HERC4: variants seen among roughly 807,000 people sequenced by gnomAD.
HERC4 encodes probable E3 ubiquitin-protein ligase HERC4.
HERC4 carries 28 observed loss-of-function variants against 124.3 expected under a neutral mutation model. The ratio of observed to expected loss-of-function variants is 0.23; its 90% CI spans 0.17 to 0.31. The LOEUF is 0.31. Ranked by LOEUF, HERC4 falls within the 10% of genes least tolerant of loss-of-function variation. The pLI is 1.00. For synonymous variants in HERC4, 407 were observed against 421.5 expected (o/e 0.97, Z 0.42); for missense variants, 713 against 1,229.3 (o/e 0.58, Z 6.28).
chr10:68,022,045 A>G (rs2038656150), intron 8 of HERC4, among the ~76,000 whole-genome samples: 1 of 152,236 alleles, frequency 6.6e-6, no homozygotes, highest in Non-Finnish European at 1.5e-5. Flanking sequence ...AAAACCTATC[A>G]TAAAGAATAA....
intron 23 of HERC4, among the ~76,000 whole-genome samples, chr10:67,931,459 G>T (rs1245405056): frequency 6.6e-6 from 1 of 151,944 alleles, no homozygotes; most frequent in Non-Finnish European, 1.5e-5. Flanking sequence ...GCTTTGGCTA[G>T]GGCTTTTTTT....
At chr10:67,962,666 A>G (rs938814403) in intron 16 of HERC4, among the ~76,000 whole-genome samples, 1 of 152,234 alleles carries the variant, frequency 6.6e-6, no homozygotes, top group Non-Finnish European at 1.5e-5. Context: ...GGAAGAAAAA[A>G]TAGCAAAGAG....
intron 7 of HERC4, among the ~76,000 whole-genome samples, chr10:68,028,448 C>T (rs879612920): frequency 2.6e-5 from 4 of 152,070 alleles, no homozygotes; most frequent in African/African-American, 4.8e-5. Context: ...CTGAGAGCAC[C>T]GTAGTAATCT....
chr10:68,039,331 AAAAG>A (rs2039644363), intron 4 of HERC4: 18 of 1,454,930 alleles, frequency 1.2e-5, no homozygotes, highest in South Asian at 5.7e-5. Flanking sequence ...AAAAAAAAAA[AAAAG>A]AAAGAAAGAA....
chr10:67,980,389 T>A (rs2035859127), intron 15 of HERC4, among the ~76,000 whole-genome samples: 1 of 152,106 alleles, frequency 6.6e-6, no homozygotes, highest in Admixed American at 6.6e-5. Context: ...CGCGTCAGTC[T>A]CCCAAAGTGC....
At chr10:67,954,397 T>C in intron 19 of HERC4, 198 bp downstream of exon 19, 1 of 390,610 alleles carries the variant, frequency 2.6e-6, no homozygotes, top group Middle Eastern at 6.6e-4. Context: ...ATTTTGTTAA[T>C]TTAAAATGTG....
chr10:68,038,945 T>C (rs747918556), intron 4 of HERC4, among the ~76,000 whole-genome samples: 1 of 152,036 alleles, frequency 6.6e-6, no homozygotes, highest in Non-Finnish European at 1.5e-5. Context: ...GCATCTCCAT[T>C]GGTTCTTTCC....
chr10:68,059,541 T>TAC (rs1564607412), intron 3 of HERC4, among the ~76,000 whole-genome samples: 59 of 103,406 alleles, frequency 5.7e-4, no homozygotes, highest in Non-Finnish European at 8.1e-4. Flanking sequence ...ATATATCATA[T>TAC]TATATATCAT....
chr10:68,059,630 C>CATATTATATATTATATTATATATCATA (rs1564608110), intron 3 of HERC4, among the ~76,000 whole-genome samples: 3 of 72,388 alleles, frequency 4.1e-5, no homozygotes, highest in African/African-American at 2.5e-4. Context: ...TATTATATAT[C>CATATTATATATTATATTATATATCATA]ATAATATTAT....
chr10:67,933,276 T>G (rs1353361571), intron 22 of HERC4, among the ~76,000 whole-genome samples: 1 of 152,166 alleles, frequency 6.6e-6, no homozygotes, highest in Admixed American at 6.5e-5. Flanking sequence ...GAGAGGGTAC[T>G]AAGCATTCTT....
chr10:67,977,997 T>C (rs1313229539), intron 15 of HERC4, among the ~76,000 whole-genome samples: 1 of 143,862 alleles, frequency 7.0e-6, no homozygotes, highest in South Asian at 2.2e-4. Context: ...GCCCTTGGGC[T>C]GGGCATGGTG....
intron 19 of HERC4, among the ~76,000 whole-genome samples, chr10:67,952,848 C>T (rs1181393000): frequency 3.3e-5 from 5 of 150,956 alleles, no homozygotes; most frequent in South Asian, 2.1e-4. Context: ...TGCAGTGAGC[C>T]GAGAGTGCGC....
At chr10:67,943,386 T>C (rs1465435021) in intron 19 of HERC4, among the ~76,000 whole-genome samples, 1 of 152,116 alleles carries the variant, frequency 6.6e-6, no homozygotes, top group African/African-American at 2.4e-5. Flanking sequence ...CATTTCAAAA[T>C]ATGAAAAGTA....
chr10:67,957,942 G>A (rs897207970), intron 16 of HERC4, among the ~76,000 whole-genome samples: 133 of 152,146 alleles, frequency 8.7e-4, no homozygotes, highest in African/African-American at 2.9e-3. Context: ...CGAGTAGCTG[G>A]GATTACAGGT....
rs374497915 is a variant in HERC4 at position 67,984,642 on chromosome 10, G to C, written c.1806+4021C>G. Among the ~76,000 whole-genome samples the C allele has an allele frequency of 1.8e-4, 27 of 152,138 alleles. No homozygotes were observed. In the East Asian group the frequency reaches 2.9e-3, roughly 16 times the overall value. On this transcript the variant is annotated intron_variant, in intron 15 of 24. Coordinates refer to ENST00000373700, the MANE Select transcript of HERC4 (RefSeq NM_015601.4). ...CTGTTGCCCAGGCTGGAGTGCAATG[G>C]CACGATTTCGACTCACTGCAACCTC...
At chr10:68,015,934 C>T (rs1017928273) in intron 8 of HERC4, among the ~76,000 whole-genome samples, 6 of 152,076 alleles carry the variant, frequency 3.9e-5, no homozygotes, top group African/African-American at 1.4e-4. Flanking sequence ...AAAACCCTGT[C>T]TCTATTAAAA....
At position 68,044,568 on chromosome 10, in the gene HERC4, A is replaced by G. The variant is rs753833921; in HGVS notation, c.227-5T>C. 3.1e-6 allele frequency: 5 copies of G among 1,611,378 alleles called. No homozygotes were observed. Among genetic ancestry groups the G allele is most frequent in the Non-Finnish European group, 4.2e-6 (5 of 1,179,150 alleles). ...CATCCAGGGCAACAACCTGCTCTAC[A>G]GAAATCAAGAAGAGAAATATTGCAT... On this transcript the variant is annotated splice_polypyrimidine_tract_variant and splice_region_variant and intron_variant, in intron 3 of 24. Coordinates refer to ENST00000373700, the MANE Select transcript of HERC4 (RefSeq NM_015601.4).
intron 8 of HERC4, 92 bp from the exon 9 acceptor site, chr10:68,014,278 T>G: frequency 8.4e-7 from 1 of 1,193,164 alleles, no homozygotes; most frequent in Non-Finnish European, 1.1e-6. Context: ...AGAGGTAATT[T>G]TTCTTTTCAA....
At chr10:67,959,794 A>G (rs1424669795) in intron 16 of HERC4, among the ~76,000 whole-genome samples, 2 of 152,234 alleles carry the variant, frequency 1.3e-5, no homozygotes, top group Non-Finnish European at 2.9e-5. Context: ...TGGAAATTAT[A>G]ATGAAAGCTT....
Sources: allele counts gnomAD v4.1 joint callset (sites outside exome capture counted in the v4.1 genomes callset), GRCh38; gene constraint gnomAD v4.1.1; transcripts MANE v1.5; gene names NCBI Gene and HGNC (gene_info 2026-07-23, HGNC 2026-07-21).